The following COP1 variants were observed in gnomAD, a reference collection of about 807,000 sequenced individuals.
COP1 encodes the protein E3 ubiquitin-protein ligase COP1.
COP1 carries 24 observed loss-of-function variants against 101.3 expected under a neutral mutation model. The observed-to-expected ratio is 0.24, with a 90% CI of 0.17 to 0.33. COP1 has a LOEUF of 0.33. Ranked by LOEUF, COP1 falls within the 10% of genes least tolerant of loss-of-function variation. COP1 has a pLI of 1.00. For missense variants in COP1, 663 were observed against 906.2 expected (o/e 0.73, Z 3.45); for synonymous variants, 347 against 341.9 (o/e 1.01, Z -0.17).
At chr1:176,010,349 A>G (rs947706402) in intron 15 of COP1, among the ~76,000 whole-genome samples, 2 of 152,212 alleles carry the variant, frequency 1.3e-5, no homozygotes, top group Admixed American at 1.3e-4. Context: ...TCCTATATTC[A>G]GATATCTCCC....
chr1:176,027,466 C>T, intron 15 of COP1, 106 bp downstream of exon 15: 1 of 733,136 alleles, frequency 1.4e-6, no homozygotes, highest in Non-Finnish European at 2.4e-6. Context: ...ATAATAAAAA[C>T]AACATTTAAA....
chr1:176,206,437 C>T, intron 1 of COP1, 135 bp downstream of exon 1: 2 of 1,024,684 alleles, frequency 2.0e-6, no homozygotes, highest in Non-Finnish European at 2.8e-6. Flanking sequence ...GCTCGATTCC[C>T]TCTGCAGACA....
intron 15 of COP1, among the ~76,000 whole-genome samples, chr1:175,998,597 T>A (rs1057103709): frequency 7.2e-5 from 11 of 152,094 alleles, no homozygotes; most frequent in Admixed American, 6.6e-5. Context: ...TATATAGCAT[T>A]TCAGGACTTC....
intron 15 of COP1, among the ~76,000 whole-genome samples, chr1:176,013,665 CA>C (rs768225971): frequency 1.8e-4 from 28 of 152,210 alleles, no homozygotes; most frequent in Admixed American, 1.3e-4. Context: ...AAATTAGACA[CA>C]GAATTTTAAC....
intron 11 of COP1, among the ~76,000 whole-genome samples, chr1:176,067,837 A>G (rs192382693): frequency 1.3e-5 from 2 of 152,342 alleles, no homozygotes; most frequent in Non-Finnish European, 2.9e-5. Flanking sequence ...CTGGGGCTTC[A>G]GGAGCTGTAA....
At chr1:176,195,579 G>A (rs1294005939) in intron 1 of COP1, among the ~76,000 whole-genome samples, 2 of 152,070 alleles carry the variant, frequency 1.3e-5, no homozygotes, top group Non-Finnish European at 2.9e-5. Context: ...ACCATGAAAC[G>A]AGTCTCTATA....
chr1:176,131,694 A>C (rs967345677), intron 8 of COP1, among the ~76,000 whole-genome samples: 1 of 151,860 alleles, frequency 6.6e-6, no homozygotes, highest in African/African-American at 2.4e-5. Flanking sequence ...TTAAAGAAAA[A>C]TCAAATATGA....
At chr1:176,050,928 T>C (rs1396261104) in intron 11 of COP1, among the ~76,000 whole-genome samples, 2 of 152,150 alleles carry the variant, frequency 1.3e-5, no homozygotes, top group African/African-American at 4.8e-5. Flanking sequence ...TTAGAACAAA[T>C]GAGCTGGTCT....
At chr1:176,196,501 T>A (rs1210088302) in intron 1 of COP1, among the ~76,000 whole-genome samples, 1 of 151,900 alleles carries the variant, frequency 6.6e-6, no homozygotes, top group Non-Finnish European at 1.5e-5. Flanking sequence ...GCAACACGGG[T>A]GTAATGGAGA....
intron 8 of COP1, among the ~76,000 whole-genome samples, chr1:176,127,352 C>A (rs1228715846): frequency 6.6e-6 from 1 of 152,170 alleles, no homozygotes; most frequent in Non-Finnish European, 1.5e-5. Flanking sequence ...TCTCCCCTCT[C>A]CCCATCCACC....
intron 18 of COP1, among the ~76,000 whole-genome samples, chr1:175,963,405 C>T (rs1389015350): frequency 1.3e-5 from 2 of 152,224 alleles, no homozygotes; most frequent in East Asian, 1.9e-4. Flanking sequence ...CCTTTGTTTA[C>T]ACTGTTCTCT....
At chr1:176,022,068 A>T (rs1666846448) in intron 15 of COP1, among the ~76,000 whole-genome samples, 1 of 152,204 alleles carries the variant, frequency 6.6e-6, no homozygotes, top group Non-Finnish European at 1.5e-5. Context: ...TTTTGAGGCA[A>T]TGTTATTACA....
chr1:176,136,809 G>A (rs779555639), intron 6 of COP1, among the ~76,000 whole-genome samples: 64 of 152,200 alleles, frequency 4.2e-4, no homozygotes, highest in Admixed American at 6.5e-4. Context: ...ATAAAAGTAT[G>A]AGATGAATGA....
At chr1:176,007,102 C>T (rs1473494839) in intron 15 of COP1, among the ~76,000 whole-genome samples, 1 of 151,684 alleles carries the variant, frequency 6.6e-6, no homozygotes, top group Non-Finnish European at 1.5e-5. Context: ...ATTCATCTTC[C>T]ATCGCTGATA....
In COP1 at chr1:175,982,646, C is replaced by T. The variant is rs150557309; in HGVS notation, c.2133+4297G>A. On this transcript the variant is annotated intron_variant, in intron 18 of 19. Coordinates refer to ENST00000367669, the MANE Select transcript of COP1 (RefSeq NM_022457.7). ...TTGAGTCAGGGAATCAAATTATACC[C>T]GAATTTTCAACTGAGTGGAGGGTCA... 2.7e-3 allele frequency among the ~76,000 whole-genome samples: 415 copies of T among 152,200 alleles called. 3 individuals are homozygous for T. Among genetic ancestry groups the T allele is most frequent in the African/African-American group, 9.2e-3 (383 of 41,514 alleles).
chr1:176,040,300 A>ACCAC (rs1024163319), intron 14 of COP1, among the ~76,000 whole-genome samples: 1 of 148,496 alleles, frequency 6.7e-6, no homozygotes, highest in African/African-American at 2.5e-5. Context: ...CCCTCTCTGT[A>ACCAC]CCACCCCCTT....
At position 175,945,159 on chromosome 1, in the gene COP1, C is replaced by T. The variant is rs1302333422; in HGVS notation, c.2190G>A (p.Leu730=). The change falls in exon 20 of 20, where the codon TTG becomes TTA. Residue 730 remains leucine, a synonymous_variant. Coordinates refer to ENST00000367669, the MANE Select transcript of COP1 (RefSeq NM_022457.7). ...NSQGTIKVLE[L]V is the part of the protein sequence containing the mutation. Reference sequence around the variant, plus strand: ...TTTGACTTGAGTTAACCCTTCATACCAATTCTAGCACCTAATTGGGGGGAA... The same window carrying T: ...TTTGACTTGAGTTAACCCTTCATACTAATTCTAGCACCTAATTGGGGGGAA... 26 of 1,579,788 alleles carry T rather than the reference C, an allele frequency of 1.6e-5. No individual in the cohort carries two copies. Among genetic ancestry groups the T allele is most frequent in the Non-Finnish European group, 2.2e-5 (26 of 1,155,688 alleles).
intron 18 of COP1, among the ~76,000 whole-genome samples, chr1:175,949,168 C>CAAAAAAAAAAAAAAAAAAAAA (rs56280543): frequency 2.5e-4 from 11 of 43,162 alleles, no homozygotes; most frequent in African/African-American, 8.2e-4. Flanking sequence ...GGCTCCGTCT[C>CAAAAAAAAAAAAAAAAAAAAA]AAAAAAAAAA....
chr1:176,110,775 G>C (rs1268486968), intron 9 of COP1, among the ~76,000 whole-genome samples: 47 of 152,176 alleles, frequency 3.1e-4, no homozygotes, highest in Admixed American at 3.1e-3. Flanking sequence ...TAAAATCTCA[G>C]CTCCCTCCTC....
Sources: allele counts gnomAD v4.1 joint callset (sites outside exome capture counted in the v4.1 genomes callset), GRCh38; gene constraint gnomAD v4.1.1; transcripts MANE v1.5; gene names NCBI Gene and HGNC (gene_info 2026-07-23, HGNC 2026-07-21).